TCF20: variants seen among roughly 807,000 people sequenced by gnomAD.
The protein encoded by TCF20 is transcription factor 20.
In TCF20, 3 loss-of-function variants were observed where a neutral mutation model predicts 148.6. The ratio of observed to expected loss-of-function variants is 0.02; its 90% CI spans 0.01 to 0.05. The LOEUF (loss-of-function observed/expected upper bound fraction) is 0.05, where lower values mean the gene tolerates loss of function less well. Ranked by LOEUF, TCF20 falls within the 10% of genes least tolerant of loss-of-function variation. The pLI is 1.00. For missense variants in TCF20, 2,350 were observed against 2,429.3 expected, an observed-to-expected ratio of 0.97 and a Z score of 0.69; for synonymous variants, 1,049 against 909.5, an observed-to-expected ratio of 1.15 and a Z score of -2.76.
rs546659693 is a variant in TCF20 at position 42,201,784 on chromosome 22, C to G, written c.5655+7867G>C. 2.6e-5 allele frequency among the ~76,000 whole-genome samples: 4 copies of G among 151,826 alleles called. No individual in the cohort carries two copies. In the East Asian group the frequency reaches 7.7e-4, roughly 29 times the overall value. ...CTCAGTCTCAAAAAAAAAACAAAAC[C>G]AAACCAAAAAAACCCAACTTTACTA... On this transcript the variant is annotated intron_variant, in intron 2 of 5. Transcript: ENST00000677622.
At chr22:42,329,739 G>C (rs57684853) in intron 1 of TCF20, among the ~76,000 whole-genome samples, 8,095 of 152,272 alleles carry the variant, frequency 0.053, 352 homozygotes, top group African/African-American at 0.11. Flanking sequence ...GCTGGCCGTG[G>C]GGGAGGCCAG....
At position 42,210,185 on chromosome 22, in the gene TCF20, C is replaced by A; in HGVS notation, c.5121G>T (p.Leu1707=). The change falls in exon 2 of 6, where the codon CTG becomes CTT. Residue 1707 remains leucine (L), a synonymous_variant. Coordinates refer to ENST00000677622, the MANE Select transcript of TCF20 (RefSeq NM_001378418.1). The surrounding 1 kb of genome is among the most constrained non-coding windows in gnomAD (Gnocchi z 4.7). ...TCCGGTAACTGGCCCACTTGCCACA[C>A]AGACAGCAAACCAGGTGCCCCATAA... ...SSVMGHLVCC[L]CGKWASYRNM... is the part of the protein sequence containing the mutation. The A allele has an allele frequency of 6.2e-7, 1 of 1,614,216 alleles. No individual in the cohort carries two copies. Among genetic ancestry groups the A allele is most frequent in the Non-Finnish European group, 8.5e-7 (1 of 1,180,046 alleles).
chr22:42,207,414 G>T (rs1258421162), intron 2 of TCF20, among the ~76,000 whole-genome samples: 2 of 152,030 alleles, frequency 1.3e-5, no homozygotes, highest in African/African-American at 4.8e-5. Flanking sequence ...CCATATGCTG[G>T]CTGGCTGCCT....
rs756556035 is a variant in TCF20 at position 42,211,904 on chromosome 22, G to GCTC, written c.3399_3401dup (p.Arg1133dup). The GCTC allele has an allele frequency of 1.1e-5, 18 of 1,613,988 alleles. No individual in the cohort carries two copies. Among genetic ancestry groups the GCTC allele is most frequent in the Non-Finnish European group, 1.5e-5 (18 of 1,180,054 alleles). ...TACCATCTTTGTCATTTTTCAGAGGGCTCCGTACTCTGTCAAGAAACTGCT... is the reference window on the plus strand; with the variant it reads ...TACCATCTTTGTCATTTTTCAGAGGGCTCCTCCGTACTCTGTCAAGAAACTGCT... On this transcript the variant is annotated inframe_insertion, in exon 2 of 6. Transcript: ENST00000677622.
chr22:42,242,832 A>C (rs886394301), intron 1 of TCF20, among the ~76,000 whole-genome samples: 1 of 152,168 alleles, frequency 6.6e-6, no homozygotes, highest in African/African-American at 2.4e-5. Context: ...GGTTGCAGTG[A>C]GTGGAGATCG....
In TCF20 at chr22:42,292,944, T is replaced by TCC. The variant is rs1927159536; in HGVS notation, c.-37+50534_-37+50535insGG. On this transcript the variant is annotated intron_variant, in intron 1 of 1. Transcript: ENST00000515426. The surrounding 1 kb of genome is among the most constrained non-coding windows in gnomAD (Gnocchi z 4.9). ...CCCACTCTGTCCTGCCCACCAGGAG[T>TCC]GGCGGGGTTTGAATTTCAGGAGCTG... is the stretch of plus-strand genomic sequence containing the variant. Among the ~76,000 whole-genome samples the TCC allele has an allele frequency of 7.0e-6, 1 of 143,166 alleles. No individual in the cohort carries two copies. Among genetic ancestry groups the TCC allele is most frequent in the Admixed American group, 7.2e-5 (1 of 13,810 alleles). The allele number at this position is 143,166 out of a possible 152,430, so 93.9% of individuals were successfully genotyped here. A position where few individuals can be genotyped will look rare whatever the true frequency, so the allele number is the denominator to read the frequency against.
chr22:42,221,636 T>C (rs1922364578), intron 1 of TCF20, among the ~76,000 whole-genome samples: 1 of 151,362 alleles, frequency 6.6e-6, no homozygotes, highest in South Asian at 2.1e-4. Flanking sequence ...ATGCCCAAAG[T>C]CCAAAATTGG....
At chr22:42,328,171 G>C (rs1927907476) in intron 1 of TCF20, among the ~76,000 whole-genome samples, 1 of 152,124 alleles carries the variant, frequency 6.6e-6, no homozygotes, top group Admixed American at 6.6e-5. Flanking sequence ...AGCCATGCAG[G>C]GGGCGTGAGC....
intron 2 of TCF20, among the ~76,000 whole-genome samples, chr22:42,199,133 G>C (rs922282636): frequency 6.6e-6 from 1 of 152,096 alleles, no homozygotes; most frequent in Non-Finnish European, 1.5e-5. Context: ...ATTCTTCTAC[G>C]AACAGTTCCA....
chr22:42,221,744 T>TTTTTTTTTTTTTTTTTTTG (rs1922384127), intron 1 of TCF20, among the ~76,000 whole-genome samples: 1 of 128,584 alleles, frequency 7.8e-6, no homozygotes, highest in Non-Finnish European at 1.6e-5. Flanking sequence ...AAAGGGTTTT[T>TTTTTTTTTTTTTTTTTTTG]TTTTTTTTTT....
At chr22:42,295,191 G>A (rs1341434821) in intron 1 of TCF20, among the ~76,000 whole-genome samples, 1 of 152,174 alleles carries the variant, frequency 6.6e-6, no homozygotes, top group Admixed American at 6.5e-5. Context: ...CTCCTTGATG[G>A]AGAGAGAAGA....
intron 1 of TCF20, among the ~76,000 whole-genome samples, chr22:42,316,031 C>T (rs1233070627): frequency 1.3e-5 from 2 of 150,682 alleles, no homozygotes; most frequent in Non-Finnish European, 2.9e-5. Context: ...TCGCTTGAAC[C>T]CAGGAGGCGG....
Position 42,214,676 on chromosome 22 carries a change from T to G in TCF20, c.630A>C (p.Pro210=). 5.6e-6 allele frequency: 9 copies of G among 1,614,148 alleles called. No homozygotes were observed. Among genetic ancestry groups the G allele is most frequent in the Non-Finnish European group, 7.6e-6 (9 of 1,180,026 alleles). The change falls in exon 2 of 6, where the codon CCA becomes CCC. Residue 210 remains proline (P), a synonymous_variant. Transcript: ENST00000677622. The stretch of plus-strand genomic sequence containing the variant: ...ATGGCAGAGTTGAGGGCCGCTGCAT[T>G]GGCTGTAGATGGGATGAGCTGGATG... ...QPASSSSHLQ[P]MQRPSTLPSS... is the part of the protein sequence containing the mutation.
At chr22:42,261,229 T>C (rs1295919259) in intron 1 of TCF20, among the ~76,000 whole-genome samples, 1 of 151,922 alleles carries the variant, frequency 6.6e-6, no homozygotes, top group African/African-American at 2.4e-5. Context: ...CAATTTGTTA[T>C]CTACTGTCTC....
intron 1 of TCF20, among the ~76,000 whole-genome samples, chr22:42,269,440 AG>A (rs1000021261): frequency 1.3e-5 from 2 of 152,194 alleles, no homozygotes; most frequent in African/African-American, 2.4e-5. Context: ...CCACAAGCAG[AG>A]GAAGACGGCC....
chr22:42,334,031 G>A (rs1387956545), intron 1 of TCF20, among the ~76,000 whole-genome samples: 1 of 152,164 alleles, frequency 6.6e-6, no homozygotes, highest in Non-Finnish European at 1.5e-5. Flanking sequence ...CAACATAATG[G>A]TACCCTTGGT....
chr22:42,265,095 G>A (rs1441745393), intron 1 of TCF20, among the ~76,000 whole-genome samples: 1 of 152,158 alleles, frequency 6.6e-6, no homozygotes. Flanking sequence ...TCATCTTCCT[G>A]CTGGGTCACG....
intron 2 of TCF20, among the ~76,000 whole-genome samples, chr22:42,183,953 G>A (rs1296248872): frequency 6.6e-6 from 1 of 152,034 alleles, no homozygotes; most frequent in Non-Finnish European, 1.5e-5. Flanking sequence ...ATTTTTAGTA[G>A]AGATGAGGTT....
chr22:42,305,238 G>A (rs1927411388), intron 1 of TCF20, among the ~76,000 whole-genome samples: 1 of 152,098 alleles, frequency 6.6e-6, no homozygotes, highest in Non-Finnish European at 1.5e-5. Context: ...TCAAGAGCTG[G>A]CCCAATCCCC....
Sources: allele counts gnomAD v4.1 joint callset (sites outside exome capture counted in the v4.1 genomes callset), GRCh38; gene constraint gnomAD v4.1.1; non-coding constraint Gnocchi (gnomAD v3.1); transcripts MANE v1.5; gene names NCBI Gene and HGNC (gene_info 2026-07-23, HGNC 2026-07-21).